BBS9: variants seen among roughly 807,000 people sequenced by gnomAD.
BBS9 encodes the protein protein PTHB1.
Under a neutral mutation model 117.7 loss-of-function variants are expected in BBS9, and 89 were observed. The ratio of observed to expected loss-of-function variants is 0.76; its 90% CI spans 0.64 to 0.90. The LOEUF (loss-of-function observed/expected upper bound fraction) is 0.90, where lower values mean the gene tolerates loss of function less well. BBS9 is among the 40% of genes least tolerant of loss of function. The probability of loss-of-function intolerance (pLI) is 0.00; values close to 1 mark genes in which losing one functional copy is unlikely to be tolerated. For missense variants in BBS9, 982 were observed against 1,042.2 expected, an observed-to-expected ratio of 0.94 and a Z score of 0.80; for synonymous variants, 379 against 370.9, an observed-to-expected ratio of 1.02 and a Z score of -0.25.
chr7:33,520,722 G>A (rs75139922), intron 20 of BBS9, among the ~76,000 whole-genome samples: 1 of 152,132 alleles, frequency 6.6e-6, no homozygotes, highest in Non-Finnish European at 1.5e-5. Context: ...ATAAGTGAAG[G>A]CTCAGTGTTG....
rs190805474 is a variant in BBS9, at chr7:33,269,670, G to A, written c.703-3342G>A. 2.0e-5 allele frequency among the ~76,000 whole-genome samples: 3 copies of A among 151,312 alleles called. No individual in the cohort carries two copies. In the East Asian group the frequency reaches 5.8e-4, roughly 29 times the overall value. ...GGAACATGATGGCAACCATTGCAGT[G>A]AGCCAAGATTGCACCACCACATTGC... On this transcript the variant is annotated intron_variant, in intron 7 of 22. Transcript: ENST00000242067.
At chr7:33,407,128 C>T (rs1160701210) in intron 19 of BBS9, among the ~76,000 whole-genome samples, 1 of 152,158 alleles carries the variant, frequency 6.6e-6, no homozygotes, top group Non-Finnish European at 1.5e-5. Context: ...AGGCTTTGCT[C>T]ATTTCTTTTT....
chr7:33,562,619 C>G (rs1585265815), intron 21 of BBS9, among the ~76,000 whole-genome samples: 1 of 152,238 alleles, frequency 6.6e-6, no homozygotes, highest in East Asian at 1.9e-4. Context: ...AATGTAGTGA[C>G]AGAAGCCATA....
chr7:33,622,987 T>A (rs1229720895), intron 21 of BBS9, among the ~76,000 whole-genome samples: 1 of 152,202 alleles, frequency 6.6e-6, no homozygotes, highest in Non-Finnish European at 1.5e-5. Context: ...TGTAGGAGAA[T>A]GTCTTTATGA....
At chr7:33,372,047 A>T (rs1226824314) in intron 17 of BBS9, among the ~76,000 whole-genome samples, 2 of 152,250 alleles carry the variant, frequency 1.3e-5, no homozygotes, top group African/African-American at 4.8e-5. Flanking sequence ...ACCTGATCAA[A>T]ATTCTTGAAA....
intron 22 of BBS9, 70 bp from the exon 23 acceptor site, chr7:33,605,125 A>C: frequency 6.6e-7 from 1 of 1,520,304 alleles, no homozygotes; most frequent in Middle Eastern, 1.7e-4. Context: ...GCTGAATTTG[A>C]TCCTTTGTGT....
At chr7:33,430,862 C>T (rs868519599) in intron 19 of BBS9, among the ~76,000 whole-genome samples, 15 of 151,934 alleles carry the variant, frequency 9.9e-5, no homozygotes, top group African/African-American at 4.8e-5. Context: ...AAGAGTTGGC[C>T]GTAGGTGTTT....
chr7:33,131,699 G>T (rs1789635394), intron 1 of BBS9, among the ~76,000 whole-genome samples: 1 of 152,094 alleles, frequency 6.6e-6, no homozygotes, highest in Non-Finnish European at 1.5e-5. Context: ...TGATCATATT[G>T]TAGGACTAGG....
chr7:33,242,831 A>G, intron 5 of BBS9: 4 of 382,802 alleles, frequency 1.0e-5, no homozygotes, highest in South Asian at 7.0e-5. Flanking sequence ...TCAGAAAGGA[A>G]TTTAGAAATT....
At chr7:33,550,100 T>C (rs2129088961) in intron 21 of BBS9, among the ~76,000 whole-genome samples, 1 of 152,250 alleles carries the variant, frequency 6.6e-6, no homozygotes, top group Non-Finnish European at 1.5e-5. Context: ...CCTCAGTGTA[T>C]CTATCTTTTA....
chr7:33,393,209 A>T (rs1827357054), intron 19 of BBS9, among the ~76,000 whole-genome samples: 1 of 152,186 alleles, frequency 6.6e-6, no homozygotes, highest in African/African-American at 2.4e-5. Context: ...AATAAATAAA[A>T]AATAATGCAA....
chr7:33,579,018 G>A (rs1859429692), intron 21 of BBS9, among the ~76,000 whole-genome samples: 1 of 152,206 alleles, frequency 6.6e-6, no homozygotes, highest in Non-Finnish European at 1.5e-5. Flanking sequence ...CCTTTTGCAG[G>A]CTCTGCTCTC....
intron 4 of BBS9, among the ~76,000 whole-genome samples, 190 bp from the exon 5 acceptor site, chr7:33,177,288 G>A (rs2128162041): frequency 6.6e-6 from 1 of 151,996 alleles, no homozygotes; most frequent in Admixed American, 6.5e-5. Flanking sequence ...ATTTAGCTGA[G>A]ATGTAAATTG....
chr7:33,577,855 G>A (rs1859193483), intron 21 of BBS9, among the ~76,000 whole-genome samples: 1 of 152,192 alleles, frequency 6.6e-6, no homozygotes, highest in South Asian at 2.1e-4. Context: ...TGAACAATGA[G>A]AACACTTGCA....
chr7:33,620,894 C>T (rs1273786161), intron 21 of BBS9, among the ~76,000 whole-genome samples: 1 of 152,120 alleles, frequency 6.6e-6, no homozygotes, highest in East Asian at 1.9e-4. Flanking sequence ...TACAGAAACA[C>T]TGACCAATGG....
chr7:33,357,864 G>C lies in BBS9; in HGVS notation c.1562G>C (p.Arg521Pro), dbSNP rs34218557. Residue 521 changes from arginine (R) to proline (P), a missense_variant, in exon 16 of 23, where the codon CGA becomes CCA. Transcript: ENST00000242067. ...CTCTCTTTTATTTTAGGCATTCCGC[G>C]AGTTATCCAATGTAAATTTAGACTT... ...PTDRNPDGIPRVIQCKFRLPL... is the reference protein window; with the variant it reads ...PTDRNPDGIPPVIQCKFRLPL... 13 of 1,611,636 alleles carry C rather than the reference G, an allele frequency of 8.1e-6. No individual in the cohort carries two copies. The highest frequency in any genetic ancestry group is 1.1e-5 in the Non-Finnish European group (13 of 1,178,412).
chr7:33,185,816 T>C (rs1798731777), intron 5 of BBS9, among the ~76,000 whole-genome samples: 1 of 152,136 alleles, frequency 6.6e-6, no homozygotes. Context: ...TTTAAGCAAA[T>C]GTGTTATTTA....
intron 19 of BBS9, among the ~76,000 whole-genome samples, chr7:33,389,999 A>G (rs929021459): frequency 2.6e-5 from 4 of 152,188 alleles, no homozygotes; most frequent in African/African-American, 9.7e-5. Context: ...TGGGGTAATT[A>G]TATGATTCTT....
At chr7:33,545,122 C>T (rs1047647971) in intron 21 of BBS9, among the ~76,000 whole-genome samples, 3 of 152,168 alleles carry the variant, frequency 2.0e-5, no homozygotes, top group Non-Finnish European at 4.4e-5. Flanking sequence ...CTATCCACTT[C>T]CCAGCTGTGA....
Sources: gnomAD v4.1 joint callset for allele counts (sites outside exome capture counted in the v4.1 genomes callset) on GRCh38, gnomAD v4.1.1 for gene constraint, MANE v1.5 for transcripts, NCBI Gene and HGNC (gene_info 2026-07-23, HGNC 2026-07-21) for gene names.